NUP210L: variants seen among roughly 807,000 people sequenced by gnomAD.
NUP210L encodes the protein nuclear pore membrane glycoprotein 210-like.
In NUP210L, 74 loss-of-function variants were observed where a neutral mutation model predicts 208.5. That is an observed-to-expected ratio of 0.35 (90% CI 0.29 to 0.43). NUP210L has a LOEUF of 0.43. Ranked by LOEUF, NUP210L falls within the 20% of genes least tolerant of loss-of-function variation. NUP210L has a pLI of 1.00. For missense variants in NUP210L, 1,843 were observed against 2,289.4 expected, an observed-to-expected ratio of 0.81 and a Z score of 3.98; for synonymous variants, 780 against 816.9, an observed-to-expected ratio of 0.95 and a Z score of 0.77.
chr1:153,995,086 G>GGAGTCCA lies in NUP210L; in HGVS notation c.5480_5481insTGGACTC (p.Ile1828GlyfsTer34). On this transcript the variant is annotated frameshift_variant, in exon 38 of 40. Coordinates refer to ENST00000368559, the Ensembl canonical transcript of NUP210L. LOFTEE classifies it high-confidence loss of function. ...ATATAAGGACTCTACCTAGGAAGAT[G>GGAGTCCA]GAAGCTGTTGATGCCAGCACTGCAA... 1 of 1,608,056 alleles carries GGAGTCCA rather than the reference G, an allele frequency of 6.2e-7. No homozygotes were observed. The highest frequency in any genetic ancestry group is 8.5e-7 in the Non-Finnish European group (1 of 1,174,858).
chr1:154,116,453 G>T (rs1176369567), intron 12 of NUP210L, among the ~76,000 whole-genome samples: 1 of 151,474 alleles, frequency 6.6e-6, no homozygotes, highest in Non-Finnish European at 1.5e-5. Context: ...ATGGGGCTGG[G>T]TACAGTGGCT....
At chr1:153,999,785 T>TA (rs1361271189) in intron 37 of NUP210L, among the ~76,000 whole-genome samples, 1 of 148,328 alleles carries the variant, frequency 6.7e-6, no homozygotes, top group Non-Finnish European at 1.5e-5. Context: ...ATAGTATACT[T>TA]ACAAAGCTGG....
chr1:154,014,985 C>G (rs1271929611), intron 33 of NUP210L, among the ~76,000 whole-genome samples: 2 of 152,128 alleles, frequency 1.3e-5, no homozygotes, highest in Non-Finnish European at 2.9e-5. Context: ...GCCTGGGCAA[C>G]AGAGTGAGAT....
exon 23 of NUP210L, chr1:154,056,890 A>G: frequency 6.2e-7 from 1 of 1,609,414 alleles, no homozygotes. Flanking sequence ...TGGTTTGCCC[A>G]ATAGTGGTAG....
intron 30 of NUP210L, among the ~76,000 whole-genome samples, chr1:154,024,922 GTT>G (rs71096508): frequency 1.3e-3 from 107 of 83,666 alleles, no homozygotes; most frequent in East Asian, 0.011. Flanking sequence ...AGGCTGATCT[GTT>G]TTTTTTTTTT....
At chr1:154,138,171 A>G in exon 6 of NUP210L, 7 of 1,543,424 alleles carry the variant, frequency 4.5e-6, no homozygotes, top group Non-Finnish European at 6.1e-6. Flanking sequence ...TAAGAGATAA[A>G]TATCATGGGA....
exon 13 of NUP210L, chr1:154,104,206 T>A: frequency 6.2e-7 from 1 of 1,613,314 alleles, no homozygotes; most frequent in Non-Finnish European, 8.5e-7. Context: ...TTTCAGGACA[T>A]GTATCTGGAG....
chr1:154,110,249 T>C (rs1342358963), intron 12 of NUP210L, among the ~76,000 whole-genome samples: 1 of 146,754 alleles, frequency 6.8e-6, no homozygotes, highest in Admixed American at 6.8e-5. Context: ...AAAAAAAAGG[T>C]AGAAAAACTT....
intron 33 of NUP210L, among the ~76,000 whole-genome samples, chr1:154,015,903 T>G (rs1651212851): frequency 7.4e-6 from 1 of 135,508 alleles, no homozygotes; most frequent in African/African-American, 2.8e-5. Context: ...CAAGACCCTG[T>G]CTCAATAAAT....
chr1:154,007,177 G>A (rs1571158965), intron 35 of NUP210L, among the ~76,000 whole-genome samples: 2 of 149,708 alleles, frequency 1.3e-5, no homozygotes, highest in African/African-American at 4.9e-5. Flanking sequence ...TAGCCAGGCT[G>A]GTCTCAAACT....
At chr1:154,024,902 A>T (rs917893395) in intron 30 of NUP210L, among the ~76,000 whole-genome samples, 2 of 145,674 alleles carry the variant, frequency 1.4e-5, no homozygotes, top group Non-Finnish European at 1.5e-5. Context: ...GAAGACAATC[A>T]TATAAATTTA....
intron 14 of NUP210L, among the ~76,000 whole-genome samples, chr1:154,097,890 A>G (rs549916931): frequency 1.3e-5 from 2 of 152,300 alleles, no homozygotes; most frequent in Admixed American, 6.5e-5. Context: ...TTCTGGCTGG[A>G]AACCTCTGTG....
intron 37 of NUP210L, among the ~76,000 whole-genome samples, chr1:154,000,173 G>A (rs1215950628): frequency 6.6e-6 from 1 of 152,080 alleles, no homozygotes; most frequent in East Asian, 1.9e-4. Flanking sequence ...TAAAATTTAG[G>A]TAGTGTTAAG....
In NUP210L at chr1:154,094,108, C is replaced by T. The variant is rs540060382; in HGVS notation, c.2187+827G>A. On this transcript the variant is annotated intron_variant, in intron 15 of 39. Transcript: ENST00000368559. The stretch of plus-strand genomic sequence containing the variant: ...ACCAGCCTGACCAACATGGTAAAAC[C>T]CCGTCTCTACTAAAAATACAAAAAA... 1.4e-4 allele frequency among the ~76,000 whole-genome samples: 21 copies of T among 152,200 alleles called. No homozygotes were observed. In the East Asian group the frequency reaches 4.0e-3, roughly 29 times the overall value.
At chr1:154,055,934 C>A (rs916497012) in intron 23 of NUP210L, among the ~76,000 whole-genome samples, 2 of 152,158 alleles carry the variant, frequency 1.3e-5, no homozygotes, top group Non-Finnish European at 2.9e-5. Flanking sequence ...TGTCTCACAC[C>A]TGTAATCCCA....
chr1:154,071,664 C>G (rs1416730002), intron 16 of NUP210L, among the ~76,000 whole-genome samples: 1 of 105,106 alleles, frequency 9.5e-6, no homozygotes, highest in Admixed American at 1.5e-4. Flanking sequence ...GAGATAGAGT[C>G]TTGCTCTGTC....
intron 17 of NUP210L, among the ~76,000 whole-genome samples, chr1:154,068,463 T>C (rs1654525440): frequency 1.3e-5 from 2 of 151,994 alleles, no homozygotes; most frequent in South Asian, 4.1e-4. Flanking sequence ...GGGTAGATCA[T>C]GAGGTCAGGA....
intron 16 of NUP210L, among the ~76,000 whole-genome samples, chr1:154,077,568 C>A (rs1433553799): frequency 6.6e-6 from 1 of 151,910 alleles, no homozygotes; most frequent in Non-Finnish European, 1.5e-5. Context: ...TGAAAGGTCA[C>A]TAGACAATAG....
At chr1:154,011,679 G>GTTTTTTTTT (rs34653809) in intron 34 of NUP210L, among the ~76,000 whole-genome samples, 3 of 78,422 alleles carry the variant, frequency 3.8e-5, no homozygotes, top group Admixed American at 1.7e-4. Flanking sequence ...ATTATCTTAA[G>GTTTTTTTTT]TTTTTTTTTT....
Sources: gnomAD v4.1 joint callset for allele counts (sites outside exome capture counted in the v4.1 genomes callset) on GRCh38, gnomAD v4.1.1 for gene constraint, MANE v1.5 for transcripts, NCBI Gene and HGNC (gene_info 2026-07-23, HGNC 2026-07-21) for gene names.